NAPG: variants seen among roughly 807,000 people sequenced by gnomAD.
NAPG encodes the protein gamma-soluble NSF attachment protein.
Under a neutral mutation model 48.4 loss-of-function variants are expected in NAPG, and 25 were observed. The observed-to-expected ratio is 0.52, with a 90% confidence interval of 0.38 to 0.72. The LOEUF (loss-of-function observed/expected upper bound fraction) is 0.72. Ranked by LOEUF, NAPG falls within the 30% of genes least tolerant of loss-of-function variation. NAPG has a pLI of 0.00. For synonymous variants in NAPG, 139 were observed against 127.2 expected (o/e 1.09, Z -0.62); for missense variants, 359 against 372.5 (o/e 0.96, Z 0.30).
At position 10,534,148 on chromosome 18, in the gene NAPG, A is replaced by AAAAC. The variant is rs773425272; in HGVS notation, c.228-302_228-299dup. Reference sequence around the variant, plus strand: ...GGCGACACAGCAAGGCTCCATCCCAAAAACAAACAAACAAACAAAAAAACT... The same window carrying AAAAC: ...GGCGACACAGCAAGGCTCCATCCCAAAAACAAACAAACAAACAAACAAAAAAACT... On this transcript the variant is annotated intron_variant, in intron 4 of 11. Transcript: ENST00000322897. The surrounding 1 kb of genome is among the most constrained non-coding windows in gnomAD (Gnocchi z 5.0). 2.6e-5 allele frequency among the ~76,000 whole-genome samples: 4 copies of AAAAC among 152,200 alleles called. No homozygotes were observed. Among genetic ancestry groups the AAAAC allele is most frequent in the Non-Finnish European group, 5.9e-5 (4 of 68,032 alleles).
rs570202360 is a variant in NAPG at position 10,527,197 on chromosome 18, A to AG, written c.56+1039_56+1040insG. 1.1e-4 allele frequency among the ~76,000 whole-genome samples: 17 copies of AG among 150,806 alleles called. No homozygotes were observed. In the East Asian group the frequency reaches 1.4e-3, roughly 12 times the overall value. The stretch of plus-strand genomic sequence containing the variant: ...AGCGAGACTCCGTCTCAAAAAAAAA[A>AG]AAAAAAAAGAAAAGAAAAAGTCAGC... On this transcript the variant is annotated intron_variant, in intron 1 of 11. Transcript: ENST00000322897.
chr18:10,530,178 C>A (rs188097777), intron 1 of NAPG, among the ~76,000 whole-genome samples: 2 of 118,874 alleles, frequency 1.7e-5, no homozygotes, highest in Admixed American at 1.9e-4. Context: ...TTATGGGTGG[C>A]GAGTTTTCAC....
intron 1 of NAPG, among the ~76,000 whole-genome samples, chr18:10,530,188 C>CTTTTTTTT (rs58597079): frequency 1.5e-5 from 1 of 67,332 alleles, no homozygotes. Flanking sequence ...CGAGTTTTCA[C>CTTTTTTTT]TTTTTTTTTT....
intron 1 of NAPG, among the ~76,000 whole-genome samples, chr18:10,530,168 T>C (rs2031898610): frequency 6.6e-6 from 1 of 151,432 alleles, no homozygotes; most frequent in Admixed American, 6.6e-5. Flanking sequence ...TCCTTCTTGT[T>C]TATGGGTGGC....
At position 10,540,319 on chromosome 18, in the gene NAPG, A is replaced by G. The variant is rs76471731; in HGVS notation, c.436-10A>G. 2,131 of 1,611,176 alleles carry G rather than the reference A, an allele frequency of 1.3e-3. 13 individuals are homozygous for G. In the African/African-American group the frequency reaches 0.021, roughly 16 times the overall value. ...AGCAGCCAACACTTGTTTTTCTTTG[A>G]TTCCTTCAGAATGAAGAACGCTTAC... On this transcript the variant is annotated splice_polypyrimidine_tract_variant and intron_variant, in intron 7 of 11. Transcript: ENST00000322897.
intron 8 of NAPG, among the ~76,000 whole-genome samples, chr18:10,545,042 T>C (rs566933019): frequency 5.9e-5 from 9 of 152,230 alleles, no homozygotes; most frequent in Admixed American, 3.9e-4. Flanking sequence ...CTGGGTGCGG[T>C]GGCTCACGTC....
chr18:10,527,461 C>T (rs1453839608), intron 1 of NAPG, among the ~76,000 whole-genome samples: 1 of 152,144 alleles, frequency 6.6e-6, no homozygotes, highest in Non-Finnish European at 1.5e-5. Context: ...TGGGGCTCTC[C>T]TGGTGCAGGA....
At chr18:10,540,197 G>A in intron 7 of NAPG, 132 bp from the exon 8 acceptor site, 2 of 1,060,204 alleles carry the variant, frequency 1.9e-6, no homozygotes, top group South Asian at 1.5e-5. Context: ...TTAGAGAGTA[G>A]TGAAATGAAC....
intron 1 of NAPG, among the ~76,000 whole-genome samples, chr18:10,527,416 A>G (rs572685585): frequency 6.6e-6 from 1 of 152,196 alleles, no homozygotes; most frequent in African/African-American, 2.4e-5. Context: ...CTCAAGCTCT[A>G]TCACATGACT....
At position 10,548,123 on chromosome 18, in the gene NAPG, A is replaced by G. The variant is rs2032306096; in HGVS notation, c.586-176A>G. Among the ~76,000 whole-genome samples, 1 of 152,204 alleles carries G rather than the reference A, an allele frequency of 6.6e-6. No homozygotes were observed. Among genetic ancestry groups the G allele is most frequent in the Non-Finnish European group, 1.5e-5 (1 of 68,038 alleles). On this transcript the variant is annotated intron_variant, in intron 9 of 11. Coordinates refer to ENST00000322897, the MANE Select transcript of NAPG (RefSeq NM_003826.3). This position sits in a 1 kb window ranked among gnomAD's most constrained non-coding sequence, Gnocchi z 4.4. ...TCCAGGACATGAGAATTGGAAAAGT[A>G]CTGTTCTAGGATATTTCCCCTCAGG...
chr18:10,533,523 T>C lies in NAPG; in HGVS notation c.210-13T>C. 6.3e-7 allele frequency: 1 copy of C among 1,595,366 alleles called. No homozygotes were observed. The highest frequency in any genetic ancestry group is 8.5e-7 in the Non-Finnish European group (1 of 1,172,492). On this transcript the variant is annotated splice_polypyrimidine_tract_variant and intron_variant, in intron 3 of 11. Transcript: ENST00000322897. The stretch of plus-strand genomic sequence containing the variant: ...CTTTTTTCCTTAACTTTGACTTCGT[T>C]ACTTCCATTCAGTCTTTTTCATGCT...
rs77652907 is a variant in NAPG at position 10,534,513 on chromosome 18, C to A, written c.258+17C>A. 1,560 of 1,611,370 alleles carry A rather than the reference C, an allele frequency of 9.7e-4. 1 individual carries two copies. The highest frequency in any genetic ancestry group is 1.3e-3 in the Non-Finnish European group (1,498 of 1,177,848). ...ATGTTGAAGGTCAGTAATGTTATGT[C>A]ACAATTGTTGTGTAGGTAAAATGAA... On this transcript the variant is annotated intron_variant, in intron 5 of 11. Transcript: ENST00000322897. This position sits in a 1 kb window ranked among gnomAD's most constrained non-coding sequence, Gnocchi z 5.0.
intron 1 of NAPG, among the ~76,000 whole-genome samples, chr18:10,529,231 A>G (rs987896900): frequency 5.3e-5 from 8 of 152,188 alleles, no homozygotes; most frequent in Admixed American, 5.2e-4. Flanking sequence ...ACAGAATGTA[A>G]TGTTTGTTAT....
At chr18:10,541,287 G>C (rs987668497) in intron 8 of NAPG, among the ~76,000 whole-genome samples, 1 of 152,054 alleles carries the variant, frequency 6.6e-6, no homozygotes, top group Non-Finnish European at 1.5e-5. Flanking sequence ...TGTCTAAATG[G>C]AATAGAAATT....
chr18:10,534,704 A>G lies in NAPG; in HGVS notation c.258+208A>G, dbSNP rs2031997231. On this transcript the variant is annotated intron_variant, in intron 5 of 11. Transcript: ENST00000322897. The surrounding 1 kb of genome is among the most constrained non-coding windows in gnomAD (Gnocchi z 5.0). ...ATGTTAAAAGTGAAATTTAAGAGAAAATGTATTGGAGTGAACTGGGAACAC... is the reference window on the plus strand; with the variant it reads ...ATGTTAAAAGTGAAATTTAAGAGAAGATGTATTGGAGTGAACTGGGAACAC... 1.3e-5 allele frequency among the ~76,000 whole-genome samples: 2 copies of G among 152,196 alleles called. No individual in the cohort carries two copies. Among genetic ancestry groups the G allele is most frequent in the Non-Finnish European group, 2.9e-5 (2 of 68,024 alleles).
rs187285286 is a variant in NAPG at position 10,542,563 on chromosome 18, G to A, written c.506+2164G>A. Among the ~76,000 whole-genome samples the A allele has an allele frequency of 6.1e-4, 93 of 152,282 alleles. No individual in the cohort carries two copies. The highest frequency in any genetic ancestry group is 1.8e-3 in the African/African-American group (76 of 41,568). On this transcript the variant is annotated intron_variant, in intron 8 of 11. Transcript: ENST00000322897. This position sits in a 1 kb window ranked among gnomAD's most constrained non-coding sequence, Gnocchi z 4.5. ...TATGTGCTTAGATTATTATTTGATTGCATCTGTTGCCTAAAAGAACTAAAC... is the reference window on the plus strand; with the variant it reads ...TATGTGCTTAGATTATTATTTGATTACATCTGTTGCCTAAAAGAACTAAAC...
intron 2 of NAPG, among the ~76,000 whole-genome samples, chr18:10,531,409 A>G (rs1400036043): frequency 3.3e-5 from 5 of 152,238 alleles, no homozygotes; most frequent in Admixed American, 6.5e-5. Flanking sequence ...AAAATGTAGC[A>G]TTCTGAATTA....
At chr18:10,541,162 C>T (rs1222987575) in intron 8 of NAPG, among the ~76,000 whole-genome samples, 1 of 152,134 alleles carries the variant, frequency 6.6e-6, no homozygotes, top group African/African-American at 2.4e-5. Flanking sequence ...TTCTGAAATA[C>T]AATTTAAACC....
chr18:10,541,898 G>C (rs2032165263), intron 8 of NAPG, among the ~76,000 whole-genome samples: 1 of 152,208 alleles, frequency 6.6e-6, no homozygotes, highest in South Asian at 2.1e-4. Flanking sequence ...GTGTTGTAGA[G>C]GGAGTAGCAG....
Sources: gnomAD v4.1 joint callset for allele counts (sites outside exome capture counted in the v4.1 genomes callset) on GRCh38, gnomAD v4.1.1 for gene constraint, Gnocchi (gnomAD v3.1) non-coding constraint, MANE v1.5 for transcripts, NCBI Gene and HGNC (gene_info 2026-07-23, HGNC 2026-07-21) for gene names.